Variants in C1QTNF9B observed in about 807,000 individuals in gnomAD.
The protein encoded by C1QTNF9B is complement C1q and tumor necrosis factor-related protein 9B.
C1QTNF9B carries 9 observed loss-of-function variants against 10.1 expected under a neutral mutation model. That is an observed-to-expected ratio of 0.89 (90% CI 0.53 to 1.55). The LOEUF is 1.55. Ranked by LOEUF, C1QTNF9B falls within the 40% of genes most tolerant of loss-of-function variation. C1QTNF9B has a pLI of 0.00. For synonymous variants in C1QTNF9B, 79 were observed against 159.9 expected, an observed-to-expected ratio of 0.49 and a Z score of 3.82; for missense variants, 196 against 414.4, an observed-to-expected ratio of 0.47 and a Z score of 4.58.
chr13:23,893,589 C>T (rs1872093771), intron 2 of C1QTNF9B, among the ~76,000 whole-genome samples: 1 of 152,212 alleles, frequency 6.6e-6, no homozygotes, highest in Admixed American at 6.5e-5. Context: ...CCTCCCATCT[C>T]AGCCTCCTGA....
chr13:23,894,118 C>A (rs1872114165), intron 2 of C1QTNF9B, 21 bp downstream of exon 4: 4 of 1,474,130 alleles, frequency 2.7e-6, no homozygotes, highest in East Asian at 4.6e-5. Flanking sequence ...AATTAGAGCA[C>A]CATAAATAGG....
At chr13:23,893,431 C>T (rs549535159) in intron 2 of C1QTNF9B, among the ~76,000 whole-genome samples, 1 of 152,122 alleles carries the variant, frequency 6.6e-6, no homozygotes, top group South Asian at 2.1e-4. Flanking sequence ...ATTCAGCCTC[C>T]CTCCCGCAAG....
In C1QTNF9B at chr13:23,891,423, T is replaced by C. The variant is rs41286068; in HGVS notation, c.868A>G (p.Ser290Gly). 8.3e-5 allele frequency: 131 copies of C among 1,578,258 alleles called. 15 individuals carry two copies. The highest frequency in any genetic ancestry group is 2.2e-4 in the East Asian group (10 of 44,874). ...CCGAGCTTCAGCTGCAGGACAATGC[T>C]GCCAGAGGCCTGGTCCTCAGAGCTC... Residue 290 changes from serine to glycine, a missense_variant, in exon 3 of 3, where the codon AGC (serine) becomes GGC (glycine). By Grantham distance (56) the Ser-to-Gly change is moderately conservative. Transcript: ENST00000382137.
At chr13:23,895,704 A>T (rs1450945345) in intron 1 of C1QTNF9B, among the ~76,000 whole-genome samples, 1 of 152,142 alleles carries the variant, frequency 6.6e-6, no homozygotes, top group African/African-American at 2.4e-5. Context: ...ACAAAAATTT[A>T]AAAAATGAAA....
chr13:23,896,763 T>A, intron 1 of C1QTNF9B, 58 bp downstream of exon 3: 1 of 1,602,220 alleles, frequency 6.2e-7, no homozygotes, highest in Non-Finnish European at 8.5e-7. Flanking sequence ...GATGAGTGAA[T>A]GAGATGAAAG....
intron 1 of C1QTNF9B, chr13:23,894,719 G>C: frequency 1.1e-5 from 5 of 443,400 alleles, no homozygotes; most frequent in South Asian, 8.0e-5. Context: ...GATCCCTCTA[G>C]TGCCTTACAC....
rs889875165 is a variant in C1QTNF9B at position 23,892,532 on chromosome 13, G to T, written c.230-471C>A. On this transcript the variant is annotated intron_variant, in intron 2 of 2. Coordinates refer to ENST00000382137, the Ensembl canonical transcript of C1QTNF9B. ...TAACCAGGTGCGGTGGCACACAATT[G>T]TAGTCCCAGATATTCAGGAGGCTGA... 2.8e-4 allele frequency among the ~76,000 whole-genome samples: 42 copies of T among 152,178 alleles called. 1 individual carries two copies. Among genetic ancestry groups the T allele is most frequent in the Admixed American group, 3.3e-4 (5 of 15,280 alleles).
chr13:23,893,697 T>G (rs191321986), intron 2 of C1QTNF9B, among the ~76,000 whole-genome samples: 1,619 of 152,280 alleles, frequency 0.011, 52 homozygotes, highest in Admixed American at 0.05. Flanking sequence ...CTGGAACTCC[T>G]AGGTTCAAGC....
At chr13:23,891,487 T>A (rs1328776305) in exon 3 of C1QTNF9B, 2 of 1,599,176 alleles carry the variant, frequency 1.3e-6, no homozygotes, top group African/African-American at 2.7e-5. Context: ...TTACTCCGTT[T>A]TTGACCAAAG....
At chr13:23,892,695 G>C (rs1443473267) in intron 2 of C1QTNF9B, among the ~76,000 whole-genome samples, 1 of 151,970 alleles carries the variant, frequency 6.6e-6, no homozygotes, top group Non-Finnish European at 1.5e-5. Flanking sequence ...TTACACACGT[G>C]TGTGCACATG....
intron 2 of C1QTNF9B, among the ~76,000 whole-genome samples, chr13:23,893,851 C>A (rs1593221528): frequency 6.6e-6 from 1 of 152,288 alleles, no homozygotes; most frequent in African/African-American, 2.4e-5. Flanking sequence ...AGTCTTCACA[C>A]ATATGGTGTC....
At chr13:23,895,960 T>G (rs1017178040) in intron 1 of C1QTNF9B, among the ~76,000 whole-genome samples, 4 of 152,088 alleles carry the variant, frequency 2.6e-5, no homozygotes, top group South Asian at 2.1e-4. Context: ...TAGAAAGAAA[T>G]AAAGTTGCTT....
chr13:23,893,150 C>T (rs1268653957), intron 2 of C1QTNF9B, among the ~76,000 whole-genome samples: 1 of 152,190 alleles, frequency 6.6e-6, no homozygotes, highest in Non-Finnish European at 1.5e-5. Flanking sequence ...TAGTGAGCCT[C>T]GTGCCTCTGT....
Position 23,891,891 on chromosome 13 carries a change from C to T in C1QTNF9B, c.400G>A (p.Gly134Ser), listed in dbSNP as rs151194972. Residue 134 changes from glycine to serine, a missense_variant, in exon 3 of 3, where the codon GGT becomes AGT. Gly to Ser is a moderately conservative substitution (Grantham distance 56, BLOSUM62 0). This residue lies in a region of C1QTNF9B where 48 missense variants were observed against 148.5 expected (regional missense o/e 0.32). Coordinates refer to ENST00000382137, the Ensembl canonical transcript of C1QTNF9B. ...ATGTTGCCCCTTGGCCCCTCAGGACCAGTGGGACCCACGTCACCCTTATTC... is the reference window on the plus strand; with the variant it reads ...ATGTTGCCCCTTGGCCCCTCAGGACTAGTGGGACCCACGTCACCCTTATTC... 663 of 1,613,520 alleles carry T rather than the reference C, an allele frequency of 4.1e-4. 1 individual carries two copies. In the African/African-American group the frequency reaches 7.7e-3, roughly 19 times the overall value.
At chr13:23,892,847 T>C in intron 2 of C1QTNF9B, among the ~76,000 whole-genome samples, 1 of 152,070 alleles carries the variant, frequency 6.6e-6, no homozygotes, top group East Asian at 1.9e-4. Flanking sequence ...CAAAAAGCAC[T>C]CTGCAGAGCA....
In C1QTNF9B at chr13:23,896,804, A is replaced by G; in HGVS notation, c.166+17T>C. On this transcript the variant is annotated intron_variant, in intron 1 of 2. Transcript: ENST00000382137. ...AAGAGAGAAGCTCAAAGGCAGCCGA[A>G]GCCGTCAGGTGAGTACCTGCATCGC... 2 of 1,612,602 alleles carry G rather than the reference A, an allele frequency of 1.2e-6. No homozygotes were observed. The highest frequency in any genetic ancestry group is 1.7e-6 in the Non-Finnish European group (2 of 1,179,002).
intron 1 of C1QTNF9B, among the ~76,000 whole-genome samples, chr13:23,896,249 C>G (rs1354115998): frequency 6.6e-6 from 1 of 152,204 alleles, no homozygotes; most frequent in African/African-American, 2.4e-5. Context: ...CTCAGACTTC[C>G]AGGCTTTGGC....
exon 3 of C1QTNF9B, chr13:23,891,474 T>C (rs1871934994): frequency 6.3e-7 from 1 of 1,587,112 alleles, no homozygotes; most frequent in African/African-American, 1.4e-5. Flanking sequence ...GTGTGCAGTA[T>C]TTTTACTCCG....
chr13:23,893,748 G>T (rs968501759), intron 2 of C1QTNF9B, among the ~76,000 whole-genome samples: 2 of 152,196 alleles, frequency 1.3e-5, no homozygotes, highest in Non-Finnish European at 2.9e-5. Context: ...GGGATTACAG[G>T]TGTGAGGCAT....
Sources: gnomAD v4.1 joint callset for allele counts (sites outside exome capture counted in the v4.1 genomes callset) on GRCh38, gnomAD v4.1.1 for gene constraint, gnomAD v4.1.1 regional missense constraint, MANE v1.5 for transcripts, NCBI Gene and HGNC (gene_info 2026-07-23, HGNC 2026-07-21) for gene names.